The following SGCZ variants were observed in gnomAD, a reference collection of about 807,000 sequenced individuals.
The protein encoded by SGCZ is zeta-sarcoglycan.
A neutral mutation model predicts 41.3 loss-of-function variants in SGCZ; 40 were observed. The observed-to-expected ratio is 0.97, with a 90% CI of 0.75 to 1.26. The LOEUF (loss-of-function observed/expected upper bound fraction) is 1.26. Among genes scored for constraint, SGCZ ranks in the 50% most tolerant of loss-of-function variants. The probability of loss-of-function intolerance (pLI) is 0.00; values close to 1 mark genes in which losing one functional copy is unlikely to be tolerated. For missense variants in SGCZ, 552 were observed against 369.8 expected (o/e 1.49, Z -4.04); for synonymous variants, 206 against 137.5 (o/e 1.50, Z -3.49).
Position 14,616,103 on chromosome 8 carries a change from G to C in SGCZ, c.40-61177C>G, listed in dbSNP as rs148826904. On this transcript the variant is annotated intron_variant, in intron 1 of 7. Transcript: ENST00000382080. ...TCAAGACCATCCTGGCTAACACAGT[G>C]AAACCTCATCTCTACTAAAAAATAC... Among the ~76,000 whole-genome samples the C allele has an allele frequency of 4.0e-3, 605 of 152,156 alleles. 4 individuals carry two copies. Among genetic ancestry groups the C allele is most frequent in the African/African-American group, 0.012 (496 of 41,508 alleles).
chr8:14,178,629 A>C (rs565939192), intron 4 of SGCZ, among the ~76,000 whole-genome samples: 1 of 152,272 alleles, frequency 6.6e-6, no homozygotes, highest in Admixed American at 6.5e-5. Context: ...CTGAATCACC[A>C]GCAAAGATGC....
intron 1 of SGCZ, among the ~76,000 whole-genome samples, chr8:14,956,732 C>G (rs753555596): frequency 3.3e-5 from 5 of 152,090 alleles, no homozygotes; most frequent in Non-Finnish European, 7.4e-5. Context: ...CCTTGATGGT[C>G]AGATTTGTTG....
At chr8:14,228,581 ATAAT>A (rs549620746) in intron 4 of SGCZ, among the ~76,000 whole-genome samples, 14 of 152,184 alleles carry the variant, frequency 9.2e-5, no homozygotes, top group South Asian at 2.1e-4. Flanking sequence ...CACTTAAGAA[ATAAT>A]TAGTCTGTGC....
At chr8:14,296,714 A>T (rs1313604829) in intron 3 of SGCZ, among the ~76,000 whole-genome samples, 1 of 152,130 alleles carries the variant, frequency 6.6e-6, no homozygotes, top group Non-Finnish European at 1.5e-5. Context: ...ATATAGCCAA[A>T]AACCTAAAAG....
intron 5 of SGCZ, among the ~76,000 whole-genome samples, chr8:14,162,143 T>C (rs1754205561): frequency 6.6e-6 from 1 of 152,150 alleles, no homozygotes; most frequent in South Asian, 2.1e-4. Context: ...AATGTGACCA[T>C]CTGCCTTTAC....
chr8:14,163,914 A>T (rs1804126890), intron 5 of SGCZ, among the ~76,000 whole-genome samples: 1 of 152,116 alleles, frequency 6.6e-6, no homozygotes, highest in Non-Finnish European at 1.5e-5. Context: ...GGGATTGTTA[A>T]ATGTGTTATC....
intron 3 of SGCZ, among the ~76,000 whole-genome samples, chr8:14,275,098 G>C (rs527674196): frequency 3.7e-4 from 56 of 152,122 alleles, no homozygotes; most frequent in Non-Finnish European, 5.7e-4. Flanking sequence ...AGAACACAAG[G>C]TGCTGAAAAC....
At chr8:14,495,765 G>A (rs995414177) in intron 2 of SGCZ, among the ~76,000 whole-genome samples, 4 of 141,590 alleles carry the variant, frequency 2.8e-5, no homozygotes, top group East Asian at 2.0e-4. Flanking sequence ...ATAATGAGAC[G>A]ACGTTAGATA....
intron 1 of SGCZ, among the ~76,000 whole-genome samples, chr8:14,883,881 G>A (rs1161584637): frequency 6.8e-6 from 1 of 147,318 alleles, no homozygotes; most frequent in Non-Finnish European, 1.5e-5. Flanking sequence ...CTTGAAAATA[G>A]CATTATAGGT....
intron 1 of SGCZ, among the ~76,000 whole-genome samples, chr8:14,809,642 T>A (rs1801679361): frequency 6.6e-6 from 1 of 152,140 alleles, no homozygotes; most frequent in African/African-American, 2.4e-5. Flanking sequence ...GTCTATAGCT[T>A]AAAGTGAATG....
At chr8:14,850,379 C>T (rs1423780531) in intron 1 of SGCZ, among the ~76,000 whole-genome samples, 3 of 152,028 alleles carry the variant, frequency 2.0e-5, no homozygotes, top group East Asian at 3.9e-4. Context: ...TACAGTATTG[C>T]ATACACAATA....
intron 1 of SGCZ, among the ~76,000 whole-genome samples, chr8:14,938,688 A>G (rs112307164): frequency 5.4e-4 from 82 of 152,246 alleles, no homozygotes; most frequent in South Asian, 1.5e-3. Context: ...GAAGGAAATA[A>G]TACCTTTTGC....
At chr8:15,198,266 T>C (rs1375882522) in intron 1 of SGCZ, among the ~76,000 whole-genome samples, 2 of 152,034 alleles carry the variant, frequency 1.3e-5, no homozygotes, top group South Asian at 2.1e-4. Flanking sequence ...GATTTCATGT[T>C]CAAGTATGAA....
At chr8:14,619,656 CAG>C (rs1021476374) in intron 1 of SGCZ, among the ~76,000 whole-genome samples, 1 of 152,052 alleles carries the variant, frequency 6.6e-6, no homozygotes, top group African/African-American at 2.4e-5. Flanking sequence ...AGCAGACAAA[CAG>C]AGAACCAAAT....
intron 1 of SGCZ, among the ~76,000 whole-genome samples, chr8:14,656,797 T>C (rs1049912181): frequency 1.3e-5 from 2 of 151,964 alleles, no homozygotes; most frequent in African/African-American, 4.8e-5. Flanking sequence ...AAAATGGAAA[T>C]TGTGTATACT....
chr8:14,791,811 C>A (rs764727657), intron 1 of SGCZ, among the ~76,000 whole-genome samples: 1 of 152,142 alleles, frequency 6.6e-6, no homozygotes, highest in African/African-American at 2.4e-5. Flanking sequence ...TAAATTAAAC[C>A]TCCTCAGGAC....
At chr8:14,799,927 T>G (rs574196528) in intron 1 of SGCZ, among the ~76,000 whole-genome samples, 24 of 152,182 alleles carry the variant, frequency 1.6e-4, no homozygotes, top group Non-Finnish European at 2.9e-4. Context: ...CTGCCTTTCG[T>G]TGATAAGTAT....
chr8:14,660,387 C>T (rs1807708406), intron 1 of SGCZ, among the ~76,000 whole-genome samples: 1 of 151,698 alleles, frequency 6.6e-6, no homozygotes, highest in Non-Finnish European at 1.5e-5. Context: ...GCCTAGGCAA[C>T]ATGGTGAAAC....
In SGCZ at chr8:14,088,396, T is replaced by C. The variant is rs1448846131; in HGVS notation, c.*2047A>G. On this transcript the variant is annotated 3_prime_UTR_variant, in exon 8 of 8. Transcript: ENST00000382080. Reference sequence around the variant, plus strand: ...GTTTCTAATTGTTTTAATGGAAGGATGATTAGAACTTGAATATGTCTTAAA... The same window carrying C: ...GTTTCTAATTGTTTTAATGGAAGGACGATTAGAACTTGAATATGTCTTAAA... Among the ~76,000 whole-genome samples, 2 of 151,988 alleles carry C rather than the reference T, an allele frequency of 1.3e-5. No homozygotes were observed. The highest frequency in any genetic ancestry group is 3.9e-4 in the East Asian group (2 of 5,138).
Sources: gnomAD v4.1 joint callset for allele counts (sites outside exome capture counted in the v4.1 genomes callset) on GRCh38, gnomAD v4.1.1 for gene constraint, MANE v1.5 for transcripts, NCBI Gene and HGNC (gene_info 2026-07-23, HGNC 2026-07-21) for gene names.